Variants in ADK observed in about 807,000 individuals in gnomAD.
ADK encodes the protein N6,N6-dimethyladenosine kinase.
A neutral mutation model predicts 44.7 loss-of-function variants in ADK; 24 were observed. The ratio of observed to expected loss-of-function variants is 0.54; its 90% CI spans 0.39 to 0.76. The LOEUF (loss-of-function observed/expected upper bound fraction) is 0.76. Ranked by LOEUF, ADK falls within the 30% of genes least tolerant of loss-of-function variation. The pLI is 0.00. For synonymous variants in ADK, 128 were observed against 142.6 expected, an observed-to-expected ratio of 0.90 and a Z score of 0.73; for missense variants, 321 against 425.1, an observed-to-expected ratio of 0.76 and a Z score of 2.15.
chr10:74,687,786 A>G (rs554949549), intron 10 of ADK, among the ~76,000 whole-genome samples: 1 of 152,110 alleles, frequency 6.6e-6, no homozygotes, highest in Non-Finnish European at 1.5e-5. Context: ...TGTATCTCAA[A>G]TTTGTCCACT....
chr10:74,376,328 G>A (rs957353051), intron 4 of ADK, among the ~76,000 whole-genome samples: 1 of 151,898 alleles, frequency 6.6e-6, no homozygotes, highest in African/African-American at 2.4e-5. Context: ...TAACATTTTA[G>A]GGTACATTTT....
intron 1 of ADK, among the ~76,000 whole-genome samples, chr10:74,179,411 A>T (rs1842457531): frequency 6.6e-6 from 1 of 152,086 alleles, no homozygotes; most frequent in African/African-American, 2.4e-5. Context: ...ACAGGATGAG[A>T]TAGGAGATAG....
At chr10:74,184,398 T>G (rs1226540084) in intron 1 of ADK, among the ~76,000 whole-genome samples, 1 of 152,132 alleles carries the variant, frequency 6.6e-6, no homozygotes, top group African/African-American at 2.4e-5. Context: ...AGTGCAATCA[T>G]GGCTCACTGT....
At chr10:74,337,759 GA>G (rs1228385807) in intron 4 of ADK, among the ~76,000 whole-genome samples, 2 of 138,540 alleles carry the variant, frequency 1.4e-5, no homozygotes, top group South Asian at 2.3e-4. Flanking sequence ...CTCTTCGGAT[GA>G]TTTTTTTTTT....
chr10:74,644,005 A>G (rs891597871), intron 9 of ADK, among the ~76,000 whole-genome samples: 1 of 152,180 alleles, frequency 6.6e-6, no homozygotes, highest in Admixed American at 6.5e-5. Context: ...CATCCTCTGT[A>G]TTATAGCCTG....
intron 4 of ADK, among the ~76,000 whole-genome samples, chr10:74,319,070 A>G (rs1840726261): frequency 6.6e-6 from 1 of 152,358 alleles, no homozygotes; most frequent in South Asian, 2.1e-4. Context: ...AAGGAAACAT[A>G]AAAGTAAAAA....
chr10:74,576,787 T>C (rs1017900672), intron 7 of ADK, among the ~76,000 whole-genome samples: 1 of 152,058 alleles, frequency 6.6e-6, no homozygotes, highest in Non-Finnish European at 1.5e-5. Flanking sequence ...TCAATTTCCA[T>C]TGTGTTGTTG....
At chr10:74,391,453 T>C (rs1039189660) in intron 4 of ADK, among the ~76,000 whole-genome samples, 3 of 152,084 alleles carry the variant, frequency 2.0e-5, no homozygotes, top group Admixed American at 2.0e-4. Context: ...TTTTCATTTC[T>C]AGTTTATTCT....
At chr10:74,509,193 A>G (rs59639969) in intron 6 of ADK, among the ~76,000 whole-genome samples, 4,473 of 151,432 alleles carry the variant, frequency 0.03, 192 homozygotes, top group African/African-American at 0.092. Context: ...GGAATACATT[A>G]TGATTTTTTT....
At chr10:74,597,334 T>TA (rs1851959164) in intron 8 of ADK, among the ~76,000 whole-genome samples, 1 of 152,202 alleles carries the variant, frequency 6.6e-6, no homozygotes, top group Non-Finnish European at 1.5e-5. Flanking sequence ...TTTACCCTAA[T>TA]ATTAACATCT....
chr10:74,186,212 C>CTTCCCTTCCT (rs1842758428), intron 1 of ADK, among the ~76,000 whole-genome samples: 1 of 138,276 alleles, frequency 7.2e-6, no homozygotes, highest in Non-Finnish European at 1.6e-5. Flanking sequence ...CTTCCCTTCC[C>CTTCCCTTCCT]TTCCTTTCCC....
At chr10:74,494,911 T>C (rs995235046) in intron 6 of ADK, among the ~76,000 whole-genome samples, 2 of 152,210 alleles carry the variant, frequency 1.3e-5, no homozygotes, top group Non-Finnish European at 2.9e-5. Context: ...CCAAAGTGTC[T>C]CAAAGTATCT....
chr10:74,665,691 C>T (rs1390010709), intron 9 of ADK, among the ~76,000 whole-genome samples: 2 of 151,020 alleles, frequency 1.3e-5, no homozygotes, highest in African/African-American at 4.9e-5. Flanking sequence ...ACCATGATCA[C>T]ACCACTGCAC....
At chr10:74,668,146 G>A (rs918495138) in intron 9 of ADK, among the ~76,000 whole-genome samples, 1 of 152,044 alleles carries the variant, frequency 6.6e-6, no homozygotes, top group African/African-American at 2.4e-5. Flanking sequence ...TACCTGTTTG[G>A]TTTTAGTTTA....
At chr10:74,503,535 A>C (rs1847949188) in intron 6 of ADK, among the ~76,000 whole-genome samples, 1 of 152,222 alleles carries the variant, frequency 6.6e-6, no homozygotes. Context: ...TTTACAAAGT[A>C]ATGAGAGTTA....
chr10:74,579,902 T>A (rs1851319367), intron 7 of ADK, among the ~76,000 whole-genome samples: 1 of 152,180 alleles, frequency 6.6e-6, no homozygotes, highest in South Asian at 2.1e-4. Flanking sequence ...ATAATCACAG[T>A]GGAAAAGCCT....
intron 3 of ADK, among the ~76,000 whole-genome samples, chr10:74,244,516 T>C (rs1192491593): frequency 3.3e-5 from 5 of 152,196 alleles, no homozygotes; most frequent in Non-Finnish European, 4.4e-5. Context: ...TTAGTCTAAA[T>C]GTTAAGTAGA....
chr10:74,602,105 CAAAA>C (rs58400071), intron 9 of ADK, among the ~76,000 whole-genome samples: 2 of 48,788 alleles, frequency 4.1e-5, no homozygotes, highest in Admixed American at 2.8e-4. Flanking sequence ...ACCCTGTCTC[CAAAA>C]AAAAAAAAAA....
intron 6 of ADK, among the ~76,000 whole-genome samples, chr10:74,498,983 G>T (rs1295532117): frequency 1.3e-5 from 2 of 152,122 alleles, no homozygotes; most frequent in Non-Finnish European, 2.9e-5. Flanking sequence ...TTTATGCTTG[G>T]ACTATCAGAA....
Sources: allele counts gnomAD v4.1 joint callset (sites outside exome capture counted in the v4.1 genomes callset), GRCh38; gene constraint gnomAD v4.1.1; transcripts MANE v1.5; gene names NCBI Gene and HGNC (gene_info 2026-07-23, HGNC 2026-07-21).